Variants in EBF4 observed in about 807,000 individuals in gnomAD.
EBF4 encodes the protein transcription factor COE4.
A neutral mutation model predicts 67.1 loss-of-function variants in EBF4; 34 were observed. The ratio of observed to expected loss-of-function variants is 0.51; its 90% CI spans 0.39 to 0.67. The LOEUF is 0.67. Among genes scored for constraint, EBF4 ranks in the 30% least tolerant of loss-of-function variants. The pLI is 0.00. For synonymous variants in EBF4, 387 were observed against 377.7 expected (o/e 1.02, Z -0.29); for missense variants, 837 against 873.3 (o/e 0.96, Z 0.52).
chr20:2,693,751 G>A lies in EBF4; in HGVS notation c.106G>A (p.Gly36Ser). 1 of 1,345,140 alleles carries A rather than the reference G, an allele frequency of 7.4e-7. No individual in the cohort carries two copies. Among genetic ancestry groups the A allele is most frequent in the Non-Finnish European group, 9.5e-7 (1 of 1,051,116 alleles). 83.3% of individuals were successfully genotyped at this position (1,345,140 alleles called of 1,614,324 possible). A position where few individuals can be genotyped will look rare whatever the true frequency, so the allele number is the denominator to read the frequency against. Reference sequence around the variant, plus strand: ...AGTGCGCTCCTGGATGCAGGGCGCGGGCATCCTGGACGCCAGCACCGCGGC... The same window carrying A: ...AGTGCGCTCCTGGATGCAGGGCGCGAGCATCCTGGACGCCAGCACCGCGGC... Residue 36 changes from glycine to serine, a missense_variant, in exon 1 of 17, where the codon GGC (glycine) becomes AGC (serine). Physicochemically the swap from Gly to Ser is moderately conservative, Grantham distance 56 (BLOSUM62 0). Coordinates refer to ENST00000609451, the Ensembl canonical transcript of EBF4. The surrounding 1 kb of genome is among the most constrained non-coding windows in gnomAD (Gnocchi z 4.6).
At chr20:2,704,482 C>A (rs1371243665) in intron 1 of EBF4, among the ~76,000 whole-genome samples, 1 of 152,182 alleles carries the variant, frequency 6.6e-6, no homozygotes, top group Non-Finnish European at 1.5e-5. Context: ...AACTTTCCTC[C>A]TTTCACTTCG....
intron 6 of EBF4, among the ~76,000 whole-genome samples, chr20:2,727,690 A>G (rs1474598490): frequency 1.3e-5 from 2 of 152,174 alleles, no homozygotes; most frequent in Admixed American, 6.5e-5. Context: ...TAAAAATCCC[A>G]CCAACAAAGT....
intron 6 of EBF4, among the ~76,000 whole-genome samples, chr20:2,746,392 G>T (rs1056219515): frequency 6.6e-6 from 1 of 152,124 alleles, no homozygotes; most frequent in Non-Finnish European, 1.5e-5. Flanking sequence ...CACTGTAGGG[G>T]TGCACCATTT....
intron 6 of EBF4, among the ~76,000 whole-genome samples, chr20:2,735,901 G>T (rs547733107): frequency 1.4e-5 from 2 of 138,928 alleles, no homozygotes; most frequent in South Asian, 2.1e-4. Context: ...ATAATAATAA[G>T]AAGAAATAGA....
intron 6 of EBF4, among the ~76,000 whole-genome samples, chr20:2,717,213 G>A (rs917469058): frequency 6.6e-6 from 1 of 151,906 alleles, no homozygotes; most frequent in African/African-American, 2.4e-5. Flanking sequence ...AATATTTATT[G>A]AGCATCTACT....
chr20:2,710,340 G>A (rs1033051886), intron 6 of EBF4, among the ~76,000 whole-genome samples: 28 of 152,080 alleles, frequency 1.8e-4, no homozygotes, highest in African/African-American at 6.7e-4. Context: ...TGTAGAGACC[G>A]GGTTTTGCCA....
rs894208075 is a variant in EBF4, at chr20:2,739,334, C to G, written c.558-9215C>G. ...TCTGCCCCGTGGTGGAGCTGTTAGT[C>G]CCTTTGCATGGAGGGCCCTGCCTCC... On this transcript the variant is annotated intron_variant, in intron 6 of 16. Coordinates refer to ENST00000609451, the Ensembl canonical transcript of EBF4. The surrounding 1 kb of genome is among the most constrained non-coding windows in gnomAD (Gnocchi z 4.5). Among the ~76,000 whole-genome samples the G allele has an allele frequency of 1.1e-4, 16 of 151,962 alleles. No homozygotes were observed. In the East Asian group the frequency reaches 3.1e-3, roughly 30 times the overall value.
rs1414296897 is a variant in EBF4, at chr20:2,756,831, G to GT, written c.1738+1008dup. Among the ~76,000 whole-genome samples the GT allele has an allele frequency of 1.3e-5, 2 of 152,206 alleles. No homozygotes were observed. The highest frequency in any genetic ancestry group is 2.9e-5 in the Non-Finnish European group (2 of 68,042). ...AGGAAAGAATCAGTGTTGAAATTACGTAAGTGGCTACTGAAGAATTTGTCA... is the reference window on the plus strand; with the variant it reads ...AGGAAAGAATCAGTGTTGAAATTACGTTAAGTGGCTACTGAAGAATTTGTCA... On this transcript the variant is annotated intron_variant, in intron 15 of 16. Transcript: ENST00000609451. The surrounding 1 kb of genome is among the most constrained non-coding windows in gnomAD (Gnocchi z 4.5).
chr20:2,757,713 G>A (rs1393424264), intron 15 of EBF4, among the ~76,000 whole-genome samples: 4 of 152,184 alleles, frequency 2.6e-5, no homozygotes, highest in East Asian at 1.9e-4. Flanking sequence ...TTGGCAGGCC[G>A]AGGTGGGCAG....
At chr20:2,728,578 A>G (rs994297821) in intron 6 of EBF4, among the ~76,000 whole-genome samples, 1 of 152,152 alleles carries the variant, frequency 6.6e-6, no homozygotes, top group Non-Finnish European at 1.5e-5. Context: ...GCAATCTGTC[A>G]TTTGTGCCTC....
intron 1 of EBF4, among the ~76,000 whole-genome samples, chr20:2,701,053 C>T (rs1009579646): frequency 6.6e-6 from 1 of 152,262 alleles, no homozygotes; most frequent in African/African-American, 2.4e-5. Context: ...CTGCAGTCCT[C>T]CTCTGGTTGG....
rs1201742570 is a variant in EBF4 at position 2,719,120 on chromosome 20, T to G, written c.557+9478T>G. Among the ~76,000 whole-genome samples, 3 of 152,252 alleles carry G rather than the reference T, an allele frequency of 2.0e-5. 1 individual carries two copies. The highest frequency in any genetic ancestry group is 2.0e-4 in the Admixed American group (3 of 15,288). On this transcript the variant is annotated intron_variant, in intron 6 of 16. Coordinates refer to ENST00000609451, the Ensembl canonical transcript of EBF4. Reference sequence around the variant, plus strand: ...TTTACTTATTTATTTTGAGACTGAGTCTCACTCTGTCACCCAGGCTGGAGT... The same window carrying G: ...TTTACTTATTTATTTTGAGACTGAGGCTCACTCTGTCACCCAGGCTGGAGT...
intron 1 of EBF4, among the ~76,000 whole-genome samples, chr20:2,705,250 T>C (rs2087434485): frequency 6.6e-6 from 1 of 152,194 alleles, no homozygotes; most frequent in African/African-American, 2.4e-5. Context: ...TGGTTCATAC[T>C]TTTGATTTTT....
chr20:2,736,797 G>A (rs16988074), intron 6 of EBF4, among the ~76,000 whole-genome samples: 3,101 of 151,732 alleles, frequency 0.02, 107 homozygotes, highest in African/African-American at 0.071. Context: ...GTGCTCCGAA[G>A]GTCATATAGG....
intron 6 of EBF4, among the ~76,000 whole-genome samples, chr20:2,715,893 C>T (rs1292629238): frequency 1.3e-5 from 2 of 151,994 alleles, no homozygotes; most frequent in Non-Finnish European, 2.9e-5. Context: ...GGATTACAGG[C>T]GCACGCCATC....
At chr20:2,737,268 A>G (rs2087901989) in intron 6 of EBF4, among the ~76,000 whole-genome samples, 1 of 146,746 alleles carries the variant, frequency 6.8e-6, no homozygotes, top group Admixed American at 6.8e-5. Flanking sequence ...AAAAAAAAGA[A>G]AAGAAAAGAA....
intron 15 of EBF4, among the ~76,000 whole-genome samples, chr20:2,758,493 TG>T (rs1370826866): frequency 6.6e-6 from 1 of 151,642 alleles, no homozygotes; most frequent in Non-Finnish European, 1.5e-5. Flanking sequence ...CAGGTAGGGG[TG>T]GGGAGTGGTG....
intron 6 of EBF4, among the ~76,000 whole-genome samples, chr20:2,736,873 G>T (rs992637514): frequency 1.3e-5 from 2 of 152,198 alleles, no homozygotes; most frequent in African/African-American, 4.8e-5. Context: ...GGAGACCTCT[G>T]GGCAGCCGAA....
chr20:2,723,596 G>T (rs920862187), intron 6 of EBF4, among the ~76,000 whole-genome samples: 7 of 152,038 alleles, frequency 4.6e-5, no homozygotes, highest in Non-Finnish European at 8.8e-5. Context: ...TGATCCACCC[G>T]CCTCGGCCTC....
Sources: allele counts gnomAD v4.1 joint callset (sites outside exome capture counted in the v4.1 genomes callset), GRCh38; gene constraint gnomAD v4.1.1; non-coding constraint Gnocchi (gnomAD v3.1); transcripts MANE v1.5; gene names NCBI Gene and HGNC (gene_info 2026-07-23, HGNC 2026-07-21).